Variants in ANO3 observed in about 807,000 individuals in gnomAD.
ANO3 encodes the protein anoctamin 3, also known as anoctamin-3.
In ANO3, 99 loss-of-function variants were observed where a neutral mutation model predicts 144.8. The observed-to-expected ratio is 0.68, with a 90% CI of 0.58 to 0.81. The LOEUF (loss-of-function observed/expected upper bound fraction) is 0.81, where lower values mean the gene tolerates loss of function less well. Ranked by LOEUF, ANO3 falls within the 30% of genes least tolerant of loss-of-function variation. The probability of loss-of-function intolerance (pLI) is 0.00; values close to 1 mark genes in which losing one functional copy is unlikely to be tolerated. For missense variants in ANO3, 905 were observed against 1,202.2 expected (o/e 0.75, Z 3.66); for synonymous variants, 414 against 392.6 (o/e 1.05, Z -0.64).
chr11:26,525,234 A>G (rs1243034805), intron 6 of ANO3, among the ~76,000 whole-genome samples: 2 of 152,114 alleles, frequency 1.3e-5, no homozygotes, highest in Non-Finnish European at 2.9e-5. Context: ...TATTTATTAC[A>G]TACGTATTAA....
At chr11:26,656,053 C>A in intron 24 of ANO3, 72 bp from the exon 25 acceptor site, 1 of 1,195,068 alleles carries the variant, frequency 8.4e-7, no homozygotes, top group Non-Finnish European at 1.2e-6. Flanking sequence ...AAAATCCTGG[C>A]ATTTGTAATA....
chr11:26,431,799 C>G (rs1478715777), intron 1 of ANO3, among the ~76,000 whole-genome samples: 1 of 152,176 alleles, frequency 6.6e-6, no homozygotes, highest in Admixed American at 6.5e-5. Flanking sequence ...TTTATCCAGT[C>G]TAGCAATGAT....
Position 26,531,205 on chromosome 11 carries a change from G to A in ANO3, c.738G>A (p.Arg246=). ...GTTCTCAAATGTGACTTCATTCCAG[G>A]ATGCAAACTTATTTTAGAAGAATCA... The part of the protein sequence containing the change: ...YTDGRSKSMG[R]MQTYFRRIKN... The change falls in exon 8 of 27, where the codon AGG becomes AGA. Residue 246 remains arginine (R), a splice_region_variant and synonymous_variant. Coordinates refer to ENST00000256737, the MANE Select transcript of ANO3 (RefSeq NM_031418.4). 6.2e-7 allele frequency: 1 copy of A among 1,613,898 alleles called. No individual in the cohort carries two copies. The highest frequency in any genetic ancestry group is 1.7e-5 in the Admixed American group (1 of 59,954).
At chr11:26,446,851 C>A (rs2134030109) in intron 3 of ANO3, among the ~76,000 whole-genome samples, 1 of 152,186 alleles carries the variant, frequency 6.6e-6, no homozygotes, top group East Asian at 1.9e-4. Context: ...CTAAGCTTAT[C>A]TTTCACTCCA....
intron 1 of ANO3, among the ~76,000 whole-genome samples, chr11:26,326,138 A>G (rs1030048702): frequency 6.6e-6 from 1 of 152,184 alleles, no homozygotes; most frequent in Non-Finnish European, 1.5e-5. Flanking sequence ...ATTTAAACAT[A>G]GTTATCATTT....
chr11:26,218,829 T>G (rs1852085313), intron 1 of ANO3, among the ~76,000 whole-genome samples: 1 of 152,182 alleles, frequency 6.6e-6, no homozygotes, highest in South Asian at 2.1e-4. Flanking sequence ...ACACAAAACT[T>G]AAAGGAAGAA....
chr11:26,595,035 G>A (rs1286528809), intron 14 of ANO3, among the ~76,000 whole-genome samples: 1 of 152,066 alleles, frequency 6.6e-6, no homozygotes, highest in East Asian at 1.9e-4. Context: ...GCCTTGGGGG[G>A]AATGTTTCCC....
chr11:26,214,610 T>C (rs1163249368), intron 1 of ANO3, among the ~76,000 whole-genome samples: 4 of 151,952 alleles, frequency 2.6e-5, no homozygotes, highest in Non-Finnish European at 5.9e-5. Context: ...AATAAACTTT[T>C]AGTTTTAGAA....
chr11:26,190,280 C>G (rs977270619), intron 1 of ANO3, among the ~76,000 whole-genome samples: 1 of 152,020 alleles, frequency 6.6e-6, no homozygotes, highest in Non-Finnish European at 1.5e-5. Flanking sequence ...TATTATATAA[C>G]CCCCAGTCAA....
At chr11:26,259,753 C>A (rs1180840147) in intron 1 of ANO3, among the ~76,000 whole-genome samples, 1 of 152,082 alleles carries the variant, frequency 6.6e-6, no homozygotes, top group Non-Finnish European at 1.5e-5. Flanking sequence ...TTATCAGTGC[C>A]AGATGAAGAC....
chr11:26,375,195 C>T (rs7942291), intron 1 of ANO3, among the ~76,000 whole-genome samples: 40,600 of 151,962 alleles, frequency 0.27, 6,095 homozygotes, highest in African/African-American at 0.41. Context: ...ATAAGGAGTA[C>T]ACAATCCACA....
chr11:26,413,033 AAAG>A (rs1857474950), intron 1 of ANO3, among the ~76,000 whole-genome samples: 1 of 151,922 alleles, frequency 6.6e-6, no homozygotes, highest in South Asian at 2.1e-4. Flanking sequence ...GGTCCTTTTT[AAAG>A]AGACTCATGA....
In ANO3 at chr11:26,442,022, A is replaced by G. The variant is rs765630292; in HGVS notation, c.151A>G (p.Ser51Gly). The G allele has an allele frequency of 6.2e-6, 10 of 1,614,030 alleles. No homozygotes were observed. Among genetic ancestry groups the G allele is most frequent in the African/African-American group, 4.0e-5 (3 of 74,924 alleles). ...AQSYAYSKSL[S>G]QSTSLFQSTE... The stretch of plus-strand genomic sequence containing the variant: ...GAGCTACGCTTACTCAAAGAGCTTG[A>G]GCCAGTCTACTTCCCTCTTCCAGTC... The change falls in exon 2 of 27, where the codon AGC (serine) becomes GGC (glycine). Residue 51 changes from serine to glycine, a missense_variant. This residue lies in a region of ANO3 where 174 missense variants were observed against 171.9 expected (regional missense o/e 1.01). Transcript: ENST00000256737.
At chr11:26,534,093 G>A (rs911054837) in intron 8 of ANO3, among the ~76,000 whole-genome samples, 4 of 152,146 alleles carry the variant, frequency 2.6e-5, no homozygotes, top group African/African-American at 9.7e-5. Context: ...CTGAAAACAA[G>A]ATAAGCTGCA....
intron 17 of ANO3, among the ~76,000 whole-genome samples, chr11:26,609,234 C>A (rs1266334920): frequency 1.3e-5 from 2 of 152,152 alleles, no homozygotes; most frequent in Non-Finnish European, 2.9e-5. Flanking sequence ...CAGTGCTGTT[C>A]CTTCCACTCA....
At chr11:26,520,058 C>T (rs1352997240) in intron 6 of ANO3, among the ~76,000 whole-genome samples, 1 of 152,136 alleles carries the variant, frequency 6.6e-6, no homozygotes, top group African/African-American at 2.4e-5. Flanking sequence ...CTTCAAGGAA[C>T]TCTTAGTGAT....
At chr11:26,290,647 C>T (rs1853935325) in intron 1 of ANO3, among the ~76,000 whole-genome samples, 1 of 152,162 alleles carries the variant, frequency 6.6e-6, no homozygotes, top group Non-Finnish European at 1.5e-5. Flanking sequence ...ATCTTTATTT[C>T]TGCCTTCAAT....
intron 4 of ANO3, among the ~76,000 whole-genome samples, chr11:26,501,528 A>T (rs1861193812): frequency 6.6e-6 from 1 of 151,972 alleles, no homozygotes; most frequent in South Asian, 2.1e-4. Context: ...TTGTTTTGCC[A>T]TGTTACAGAG....
chr11:26,454,469 A>T (rs1256680998), intron 3 of ANO3, among the ~76,000 whole-genome samples: 2 of 152,232 alleles, frequency 1.3e-5, no homozygotes, highest in African/African-American at 2.4e-5. Context: ...ATAAACTAGA[A>T]AATCTAGAAG....
Sources: allele counts gnomAD v4.1 joint callset (sites outside exome capture counted in the v4.1 genomes callset), GRCh38; gene constraint gnomAD v4.1.1; regional missense constraint gnomAD v4.1.1; transcripts MANE v1.5; gene names NCBI Gene and HGNC (gene_info 2026-07-23, HGNC 2026-07-21).